Variants in CACNA1S observed in about 807,000 individuals in gnomAD.
CACNA1S encodes the protein voltage-dependent L-type calcium channel subunit alpha-1S.
CACNA1S carries 126 observed loss-of-function variants against 207.4 expected under a neutral mutation model. The ratio of observed to expected loss-of-function variants is 0.61; its 90% confidence interval spans 0.53 to 0.70. CACNA1S has a LOEUF of 0.70. Among genes scored for constraint, CACNA1S ranks in the 30% least tolerant of loss-of-function variants. The pLI is 0.00. For synonymous variants in CACNA1S, 960 were observed against 932.7 expected (o/e 1.03, Z -0.53); for missense variants, 2,349 against 2,422.8 (o/e 0.97, Z 0.64).
intron 2 of CACNA1S, among the ~76,000 whole-genome samples, chr1:201,096,146 C>A (rs1662423018): frequency 6.6e-6 from 1 of 152,202 alleles, no homozygotes; most frequent in Admixed American, 6.5e-5. Flanking sequence ...CGGCCTGGCT[C>A]AGAGAGAGCT....
At position 201,041,518 on chromosome 1, in the gene CACNA1S, G is replaced by C. The variant is rs1174377440; in HGVS notation, c.5120C>G (p.Pro1707Arg). The C allele has an allele frequency of 1.2e-6, 2 of 1,613,836 alleles. No individual in the cohort carries two copies. ...PATRGRALGQPCRVLGPHSKP... is the reference protein window; with the variant it reads ...PATRGRALGQRCRVLGPHSKP... Reference sequence around the variant, plus strand: ...AAGGGACTGACCCAGGACCCTGCAGGGTTGGCCAAGGGCTCGTCCTCTGGT... The same window carrying C: ...AAGGGACTGACCCAGGACCCTGCAGCGTTGGCCAAGGGCTCGTCCTCTGGT... Residue 1707 changes from proline to arginine, a missense_variant, in exon 41 of 44, where the codon CCC becomes CGC. By Grantham distance (103) the Pro-to-Arg change is moderately radical. Transcript: ENST00000362061.
intron 19 of CACNA1S, 147 bp from the exon 20 acceptor site, chr1:201,067,140 C>T (rs1661276105): frequency 1.4e-6 from 1 of 707,660 alleles, no homozygotes; most frequent in African/African-American, 1.8e-5. Context: ...CAACTCCTTG[C>T]AGTGGCCTAA....
chr1:201,077,790 C>T, intron 11 of CACNA1S, 89 bp downstream of exon 11: 2 of 863,750 alleles, frequency 2.3e-6, no homozygotes, highest in South Asian at 1.5e-5. Context: ...GCACAGATCC[C>T]AGACCTCAGG....
chr1:201,086,211 G>A (rs751435079), intron 7 of CACNA1S, among the ~76,000 whole-genome samples: 1 of 152,254 alleles, frequency 6.6e-6, no homozygotes, highest in African/African-American at 2.4e-5. Flanking sequence ...AGGGCAGGTC[G>A]AGTTGCCCTG....
intron 19 of CACNA1S, among the ~76,000 whole-genome samples, chr1:201,067,799 C>T (rs1383540012): frequency 1.3e-5 from 2 of 152,212 alleles, no homozygotes; most frequent in Non-Finnish European, 2.9e-5. Context: ...CCACAAACTT[C>T]TTGACCTCGA....
chr1:201,045,638 G>A (rs1660444117), intron 38 of CACNA1S, among the ~76,000 whole-genome samples: 1 of 150,666 alleles, frequency 6.6e-6, no homozygotes, highest in South Asian at 2.1e-4. Flanking sequence ...AGGAAGCTGA[G>A]GCATGAGAAT....
In CACNA1S at chr1:201,066,789, G is replaced by A. The variant is rs895684085; in HGVS notation, c.2657+98C>T. The A allele has an allele frequency of 6.8e-6, 6 of 885,036 alleles. No individual in the cohort carries two copies. The Admixed American group carries it at 7.9e-5, about 12-fold the overall frequency. The allele number at this position is 885,036 out of a possible 1,614,324, so 54.8% of individuals were successfully genotyped here. A position where few individuals can be genotyped will look rare whatever the true frequency, so the allele number is the denominator to read the frequency against. On this transcript the variant is annotated intron_variant, in intron 20 of 43. Transcript: ENST00000362061. The surrounding 1 kb of genome is among the most constrained non-coding windows in gnomAD (Gnocchi z 4.3). Reference sequence around the variant, plus strand: ...AGGCCCCGAGAGACCCTCCTCTTGTGGCAGGGGCCCACCAACATGGGTGGG... The same window carrying A: ...AGGCCCCGAGAGACCCTCCTCTTGTAGCAGGGGCCCACCAACATGGGTGGG...
At chr1:201,096,757 C>G (rs540132050) in intron 2 of CACNA1S, among the ~76,000 whole-genome samples, 1 of 152,232 alleles carries the variant, frequency 6.6e-6, no homozygotes. Context: ...CTACCCCTGC[C>G]TGGCATGCAC....
intron 22 of CACNA1S, among the ~76,000 whole-genome samples, chr1:201,064,615 A>G (rs1661180518): frequency 6.6e-6 from 1 of 152,198 alleles, no homozygotes; most frequent in Non-Finnish European, 1.5e-5. Flanking sequence ...ATGACTTTGA[A>G]AGATCGTGCT....
In CACNA1S at chr1:201,089,300, G is replaced by A. The variant is rs61734621; in HGVS notation, c.858C>T (p.Tyr286=). The A allele has an allele frequency of 3.7e-3, 6,027 of 1,614,250 alleles. 104 individuals carry two copies. The African/African-American group carries it at 0.05, about 13-fold the overall frequency. The change falls in exon 6 of 44, where the codon TAC becomes TAT. Residue 286 remains tyrosine (Y), a synonymous_variant. Transcript: ENST00000362061. ...DNFGFSMLTV[Y]QCITMEGWTD... is the part of the protein sequence containing the mutation. The stretch of plus-strand genomic sequence containing the variant: ...TCCATCCCTCCATGGTAATGCACTG[G>A]TACACGGTGAGCATGGAGAAGCCGA...
chr1:201,065,397 A>G (rs981623666), intron 22 of CACNA1S, among the ~76,000 whole-genome samples: 31 of 152,232 alleles, frequency 2.0e-4, no homozygotes, highest in African/African-American at 7.2e-4. Context: ...AGTTGTATTT[A>G]TAGATTGAAG....
rs145454763 is a variant in CACNA1S at position 201,052,861 on chromosome 1, G to A, written c.3862-213C>T. On this transcript the variant is annotated intron_variant, in intron 31 of 43. Coordinates refer to ENST00000362061, the MANE Select transcript of CACNA1S (RefSeq NM_000069.3). Reference sequence around the variant, plus strand: ...CTTAGCAAGCCAAAGAAAAGAGGGAGGGTAGACCCGTTTTCCCAGCAGCAA... The same window carrying A: ...CTTAGCAAGCCAAAGAAAAGAGGGAAGGTAGACCCGTTTTCCCAGCAGCAA... 5.9e-4 allele frequency among the ~76,000 whole-genome samples: 90 copies of A among 152,160 alleles called. No homozygotes were observed. The East Asian group carries it at 0.017, about 28-fold the overall frequency.
intron 19 of CACNA1S, among the ~76,000 whole-genome samples, chr1:201,068,095 G>A (rs549986407): frequency 7.9e-5 from 12 of 152,216 alleles, no homozygotes; most frequent in South Asian, 2.1e-4. Flanking sequence ...TGGAAAAGGC[G>A]TGATAGGGCA....
chr1:201,066,125 G>T lies in CACNA1S; in HGVS notation c.2745+104C>A. ...CTTACCCCTATCTGCCCAGGGAGATGGGACAGGGGTCCCAGCCATGGCTGG... is the reference window on the plus strand; with the variant it reads ...CTTACCCCTATCTGCCCAGGGAGATTGGACAGGGGTCCCAGCCATGGCTGG... On this transcript the variant is annotated intron_variant, in intron 21 of 43. Transcript: ENST00000362061. This position sits in a 1 kb window ranked among gnomAD's most constrained non-coding sequence, Gnocchi z 4.3. 1 of 1,158,006 alleles carries T rather than the reference G, an allele frequency of 8.6e-7. No individual in the cohort carries two copies. The highest frequency in any genetic ancestry group is 1.3e-6 in the Non-Finnish European group (1 of 772,860). The allele number at this position is 1,158,006 out of a possible 1,614,324, so 71.7% of individuals were successfully genotyped here.
At position 201,112,061 on chromosome 1, in the gene CACNA1S, G is replaced by C. The variant is rs865783904; in HGVS notation, c.152+127C>G. On this transcript the variant is annotated intron_variant, in intron 1 of 43. Coordinates refer to ENST00000362061, the MANE Select transcript of CACNA1S (RefSeq NM_000069.3). ...CCCCCAGCTCCTCACTCAATTCTGT[G>C]AGTTCACCCCATGTCTAAGTGCCAG... is the stretch of plus-strand genomic sequence containing the variant. 2.9e-5 allele frequency: 24 copies of C among 816,092 alleles called. No individual in the cohort carries two copies. In the Middle Eastern group the frequency reaches 1.6e-3, roughly 53 times the overall value. The allele number at this position is 816,092 out of a possible 1,614,324, so 50.6% of individuals were successfully genotyped here.
intron 2 of CACNA1S, among the ~76,000 whole-genome samples, chr1:201,109,040 G>A (rs1663002027): frequency 6.6e-6 from 1 of 152,172 alleles, no homozygotes; most frequent in South Asian, 2.1e-4. Flanking sequence ...CTGAGGTCAG[G>A]AGTTCGAGGC....
At chr1:201,078,397 G>A (rs1032022357) in intron 10 of CACNA1S, among the ~76,000 whole-genome samples, 6 of 151,364 alleles carry the variant, frequency 4.0e-5, no homozygotes, top group Non-Finnish European at 8.8e-5. Context: ...ACAGGGTTTC[G>A]TCATGTTGCC....
rs148317787 is a variant in CACNA1S at position 201,089,258 on chromosome 1, C to T, written c.900G>A (p.Trp300Ter). The change falls in exon 6 of 44, where the codon TGG becomes TGA. Residue 300 changes from tryptophan to a stop codon, truncating the protein, a stop_gained and splice_region_variant. Transcript: ENST00000362061. LOFTEE classifies it high-confidence loss of function. ...TMEGWTDVLYWVNDAIGNEWP... is the reference protein window; with the variant it reads ...TMEGWTDVLY The stretch of plus-strand genomic sequence containing the variant: ...TCTGCAGGCGCGGGCCCAGACCCAC[C>T]CAGTAAAGGACGTCAGTCCATCCCT... 5.6e-6 allele frequency: 9 copies of T among 1,614,058 alleles called. No homozygotes were observed. In the African/African-American group the frequency reaches 6.7e-5, roughly 12 times the overall value.
chr1:201,089,455 C>A lies in CACNA1S; in HGVS notation c.703G>T (p.Ala235Ser). Residue 235 changes from alanine to serine, a missense_variant, in exon 6 of 44, where the codon GCC (alanine) becomes TCC (serine). Transcript: ENST00000362061. ...GATGGCTCTTCATTCTCCACCGTGG[C>A]CACGATATCTGGAGGCAGAAGGCAA... The part of the protein sequence containing the change: ...TCYFIGTDIV[A>S]TVENEEPSPC... 1.2e-6 allele frequency: 2 copies of A among 1,613,884 alleles called. No individual in the cohort carries two copies. Among genetic ancestry groups the A allele is most frequent in the Non-Finnish European group, 8.5e-7 (1 of 1,179,982 alleles).
Sources: gnomAD v4.1 joint callset for allele counts (sites outside exome capture counted in the v4.1 genomes callset) on GRCh38, gnomAD v4.1.1 for gene constraint, Gnocchi (gnomAD v3.1) non-coding constraint, MANE v1.5 for transcripts, NCBI Gene and HGNC (gene_info 2026-07-23, HGNC 2026-07-21) for gene names.